Variants in ZNF804B observed in about 807,000 individuals in gnomAD.
The protein encoded by ZNF804B is zinc finger protein 804B, also known as zinc finger 804B.
A neutral mutation model predicts 101.4 loss-of-function variants in ZNF804B; 80 were observed. The ratio of observed to expected loss-of-function variants is 0.79; its 90% CI spans 0.66 to 0.95. The LOEUF is 0.95. ZNF804B is among the 40% of genes least tolerant of loss of function. The pLI is 0.00. For missense variants in ZNF804B, 1,673 were observed against 1,561.9 expected, an observed-to-expected ratio of 1.07 and a Z score of -1.20; for synonymous variants, 622 against 558.8, an observed-to-expected ratio of 1.11 and a Z score of -1.59.
At chr7:88,766,876 C>A (rs948869649) in intron 1 of ZNF804B, among the ~76,000 whole-genome samples, 4 of 152,112 alleles carry the variant, frequency 2.6e-5, no homozygotes, top group Admixed American at 2.6e-4. Flanking sequence ...TCATTTCTAG[C>A]AAGTATAATT....
At chr7:88,860,746 C>T (rs1051646470) in intron 1 of ZNF804B, among the ~76,000 whole-genome samples, 1 of 152,102 alleles carries the variant, frequency 6.6e-6, no homozygotes, top group Non-Finnish European at 1.5e-5. Context: ...AAAAGTTAGG[C>T]ACTACATTAA....
chr7:89,036,772 T>G (rs1442496606), intron 1 of ZNF804B, among the ~76,000 whole-genome samples: 1 of 152,130 alleles, frequency 6.6e-6, no homozygotes, highest in Non-Finnish European at 1.5e-5. Flanking sequence ...TTCCAATCAC[T>G]AGGAGTCTGA....
chr7:89,314,237 A>T (rs544701739), intron 2 of ZNF804B, among the ~76,000 whole-genome samples: 165 of 152,326 alleles, frequency 1.1e-3, no homozygotes, highest in African/African-American at 3.8e-3. Context: ...AAATTATTTA[A>T]GACAAGAAAG....
At chr7:88,926,817 C>T (rs1363503302) in intron 1 of ZNF804B, among the ~76,000 whole-genome samples, 2 of 151,998 alleles carry the variant, frequency 1.3e-5, no homozygotes, top group African/African-American at 4.8e-5. Context: ...CCGAATTACC[C>T]TTACAGCCAA....
intron 1 of ZNF804B, among the ~76,000 whole-genome samples, chr7:89,173,480 A>G (rs1216061750): frequency 6.6e-6 from 1 of 152,114 alleles, no homozygotes; most frequent in Non-Finnish European, 1.5e-5. Context: ...AACAAGTTAA[A>G]GAATATTTAT....
intron 1 of ZNF804B, among the ~76,000 whole-genome samples, chr7:89,158,741 T>G (rs2116416862): frequency 6.6e-6 from 1 of 152,248 alleles, no homozygotes; most frequent in Admixed American, 6.5e-5. Context: ...CCAGCCCAAC[T>G]TTTCATCCTC....
At chr7:89,193,770 C>T (rs973185114) in intron 1 of ZNF804B, among the ~76,000 whole-genome samples, 12 of 152,094 alleles carry the variant, frequency 7.9e-5, no homozygotes, top group African/African-American at 2.9e-4. Flanking sequence ...CCACAATAAA[C>T]ATACGTGTGC....
intron 1 of ZNF804B, among the ~76,000 whole-genome samples, chr7:88,989,790 C>A (rs1584057239): frequency 6.6e-6 from 1 of 152,108 alleles, no homozygotes; most frequent in African/African-American, 2.4e-5. Context: ...TATTTTCAGT[C>A]TGAAGCCCAA....
rs143824631 is a variant in ZNF804B, at chr7:89,337,811, C to T, written c.*779C>T. Among the ~76,000 whole-genome samples, 2,550 of 151,990 alleles carry T rather than the reference C, an allele frequency of 0.017. 61 individuals carry two copies. Among genetic ancestry groups the T allele is most frequent in the African/African-American group, 0.059 (2,432 of 41,488 alleles). On this transcript the variant is annotated 3_prime_UTR_variant, in exon 4 of 4. Coordinates refer to ENST00000333190, the MANE Select transcript of ZNF804B (RefSeq NM_181646.5). ...AAAAATAAAACGTGCTCAGAATAAC[C>T]TTTTAAATATATTGGTCAATCTGTC...
chr7:89,179,449 G>A (rs2115576167), intron 1 of ZNF804B, among the ~76,000 whole-genome samples: 1 of 151,854 alleles, frequency 6.6e-6, no homozygotes, highest in Non-Finnish European at 1.5e-5. Flanking sequence ...CTTCAGTATA[G>A]CAATTAAATT....
At chr7:89,285,137 T>C (rs1261646265) in intron 2 of ZNF804B, among the ~76,000 whole-genome samples, 2 of 151,896 alleles carry the variant, frequency 1.3e-5, no homozygotes, top group African/African-American at 2.4e-5. Context: ...GAGGATAGCT[T>C]GAGTCCTGGA....
intron 1 of ZNF804B, among the ~76,000 whole-genome samples, chr7:88,938,689 G>A (rs1793009752): frequency 6.6e-6 from 1 of 151,914 alleles, no homozygotes; most frequent in African/African-American, 2.4e-5. Flanking sequence ...GAGCAAAAGT[G>A]GAAGTCTCAT....
At chr7:88,789,474 C>A (rs1790347424) in intron 1 of ZNF804B, among the ~76,000 whole-genome samples, 1 of 152,036 alleles carries the variant, frequency 6.6e-6, no homozygotes, top group African/African-American at 2.4e-5. Context: ...TTACCATTGG[C>A]AAAACACCTT....
intron 1 of ZNF804B, among the ~76,000 whole-genome samples, chr7:88,815,928 T>TGTTGGTG (rs1458924816): frequency 6.6e-6 from 1 of 152,120 alleles, no homozygotes; most frequent in Non-Finnish European, 1.5e-5. Context: ...TCATTCTTTC[T>TGTTGGTG]CAAAATGTGG....
At chr7:88,917,491 AC>A (rs1792653786) in intron 1 of ZNF804B, among the ~76,000 whole-genome samples, 1 of 152,152 alleles carries the variant, frequency 6.6e-6, no homozygotes, top group Admixed American at 6.6e-5. Flanking sequence ...TTGGTCTGGT[AC>A]ACTATTGACT....
At chr7:89,142,571 T>C (rs1169572603) in intron 1 of ZNF804B, among the ~76,000 whole-genome samples, 12 of 151,982 alleles carry the variant, frequency 7.9e-5, no homozygotes, top group Admixed American at 7.9e-4. Context: ...TCTCCTATTA[T>C]AATTCTTGGA....
At position 88,957,770 on chromosome 7, in the gene ZNF804B, T is replaced by C. The variant is rs962042335; in HGVS notation, c.108+197686T>C. Reference sequence around the variant, plus strand: ...TTATTTTATTGATTTATTTAATTGTTATTCCTTCTCTGGGTCCCTAAACTT... The same window carrying C: ...TTATTTTATTGATTTATTTAATTGTCATTCCTTCTCTGGGTCCCTAAACTT... On this transcript the variant is annotated intron_variant, in intron 1 of 3. Coordinates refer to ENST00000333190, the MANE Select transcript of ZNF804B (RefSeq NM_181646.5). Among the ~76,000 whole-genome samples, 4 of 151,324 alleles carry C rather than the reference T, an allele frequency of 2.6e-5. No individual in the cohort carries two copies. In the East Asian group the frequency reaches 7.8e-4, roughly 30 times the overall value.
At chr7:89,115,122 GGGAAT>G (rs1790288872) in intron 1 of ZNF804B, among the ~76,000 whole-genome samples, 1 of 150,646 alleles carries the variant, frequency 6.6e-6, no homozygotes. Flanking sequence ...GGATAGAAGA[GGGAAT>G]CAAGGTCAAG....
chr7:89,038,750 C>A (rs1179610228), intron 1 of ZNF804B, among the ~76,000 whole-genome samples: 1 of 152,034 alleles, frequency 6.6e-6, no homozygotes, highest in Non-Finnish European at 1.5e-5. Flanking sequence ...TATCAAGAAG[C>A]ATTTCCCCTA....
Sources: allele counts gnomAD v4.1 joint callset (sites outside exome capture counted in the v4.1 genomes callset), GRCh38; gene constraint gnomAD v4.1.1; transcripts MANE v1.5; gene names NCBI Gene and HGNC (gene_info 2026-07-23, HGNC 2026-07-21).